The following HHAT variants were observed in gnomAD, a reference collection of about 807,000 sequenced individuals.
HHAT encodes hedgehog acyltransferase.
Under a neutral mutation model 70.8 loss-of-function variants are expected in HHAT, and 47 were observed. The ratio of observed to expected loss-of-function variants is 0.66; its 90% CI spans 0.53 to 0.85. The LOEUF is 0.85. Ranked by LOEUF, HHAT falls within the 40% of genes least tolerant of loss-of-function variation. The pLI, the probability that HHAT is intolerant of heterozygous loss-of-function variation, is 0.00. For synonymous variants in HHAT, 228 were observed against 247.6 expected, an observed-to-expected ratio of 0.92 and a Z score of 0.74; for missense variants, 609 against 604.8, an observed-to-expected ratio of 1.01 and a Z score of -0.07.
chr1:210,471,225 T>C (rs1047625110), intron 8 of HHAT, among the ~76,000 whole-genome samples: 3 of 152,166 alleles, frequency 2.0e-5, no homozygotes, highest in African/African-American at 7.2e-5. Context: ...TGCTTGTTGA[T>C]ACTCCACTGT....
chr1:210,446,572 C>T (rs571404967), intron 7 of HHAT, among the ~76,000 whole-genome samples: 1 of 152,302 alleles, frequency 6.6e-6, no homozygotes, highest in South Asian at 2.1e-4. Context: ...TGGTCCGGCA[C>T]CTGCCACCGT....
intron 7 of HHAT, among the ~76,000 whole-genome samples, chr1:210,451,930 C>T (rs984636674): frequency 1.3e-5 from 2 of 152,096 alleles, no homozygotes; most frequent in Non-Finnish European, 2.9e-5. Flanking sequence ...GCATAATTTT[C>T]TAGTGCTTGT....
chr1:210,643,637 C>CT (rs1673403436), intron 11 of HHAT, among the ~76,000 whole-genome samples: 1 of 151,932 alleles, frequency 6.6e-6, no homozygotes, highest in Admixed American at 6.6e-5. Flanking sequence ...GTCAATGAAT[C>CT]TTTTGCAGAT....
At chr1:210,417,666 C>T (rs962878477) in intron 6 of HHAT, among the ~76,000 whole-genome samples, 7 of 152,228 alleles carry the variant, frequency 4.6e-5, no homozygotes, top group African/African-American at 1.7e-4. Flanking sequence ...GCCCACACAT[C>T]ATTTTCCCTT....
intron 10 of HHAT, among the ~76,000 whole-genome samples, chr1:210,596,093 A>G (rs145684379): frequency 9.3e-4 from 142 of 152,196 alleles, no homozygotes; most frequent in Middle Eastern, 3.4e-3. Flanking sequence ...TAGGGTTTTT[A>G]TGGTTTTAGA....
intron 9 of HHAT, among the ~76,000 whole-genome samples, chr1:210,582,174 C>T (rs1276033844): frequency 2.6e-5 from 4 of 152,114 alleles, no homozygotes; most frequent in Non-Finnish European, 5.9e-5. Flanking sequence ...GGAGCAGTGT[C>T]TTCTAGATGT....
At chr1:210,605,855 T>G (rs1211627115) in intron 10 of HHAT, among the ~76,000 whole-genome samples, 5 of 146,438 alleles carry the variant, frequency 3.4e-5, no homozygotes, top group African/African-American at 1.0e-4. Flanking sequence ...TTCATTTATG[T>G]TTTTTTTTTT....
At chr1:210,430,149 TA>T (rs2093201041) in intron 7 of HHAT, among the ~76,000 whole-genome samples, 1 of 151,954 alleles carries the variant, frequency 6.6e-6, no homozygotes, top group Non-Finnish European at 1.5e-5. Flanking sequence ...TTTTGGATGC[TA>T]AAATTGTCCC....
chr1:210,327,590 C>A (rs951387093), upstream of HHAT, among the ~76,000 whole-genome samples: 7 of 152,124 alleles, frequency 4.6e-5, no homozygotes, highest in Non-Finnish European at 1.0e-4. Flanking sequence ...ACTGCAACCT[C>A]TGCCGCCCGG....
At chr1:210,570,398 G>T (rs955770329) in intron 9 of HHAT, among the ~76,000 whole-genome samples, 1 of 152,182 alleles carries the variant, frequency 6.6e-6, no homozygotes, top group African/African-American at 2.4e-5. Flanking sequence ...CAGAGACCCT[G>T]GTGCAAGCTT....
chr1:210,355,281 G>T (rs1571834436), intron 2 of HHAT, among the ~76,000 whole-genome samples: 1 of 152,034 alleles, frequency 6.6e-6, no homozygotes, highest in Non-Finnish European at 1.5e-5. Context: ...ATTTGTTTTT[G>T]CTTTGCTAGG....
chr1:210,622,583 T>C (rs950636895), intron 10 of HHAT, among the ~76,000 whole-genome samples: 2 of 152,196 alleles, frequency 1.3e-5, no homozygotes, highest in African/African-American at 4.8e-5. Context: ...TGGAATTCTT[T>C]ATTGTGATGC....
intron 11 of HHAT, among the ~76,000 whole-genome samples, chr1:210,667,407 T>TA (rs1408977144): frequency 1.3e-5 from 2 of 151,266 alleles, no homozygotes; most frequent in Non-Finnish European, 1.5e-5. Context: ...AATAAATAAA[T>TA]AATTATTTTT....
chr1:210,652,725 G>A (rs1362946002), intron 11 of HHAT, among the ~76,000 whole-genome samples: 1 of 152,176 alleles, frequency 6.6e-6, no homozygotes, highest in African/African-American at 2.4e-5. Flanking sequence ...GGTACAGAGA[G>A]TTCTCAGAAA....
At chr1:210,392,707 A>G (rs924419084) in intron 4 of HHAT, among the ~76,000 whole-genome samples, 11 of 152,342 alleles carry the variant, frequency 7.2e-5, no homozygotes, top group Admixed American at 3.9e-4. Flanking sequence ...AAGTGCTGGG[A>G]TAACAGGCGT....
intron 9 of HHAT, among the ~76,000 whole-genome samples, chr1:210,514,867 G>T (rs2095027897): frequency 6.6e-6 from 1 of 152,198 alleles, no homozygotes; most frequent in African/African-American, 2.4e-5. Context: ...CCCTTGCCAG[G>T]CCTGTAGTTA....
intron 3 of HHAT, among the ~76,000 whole-genome samples, chr1:210,365,321 T>TTTTG (rs1553326987): frequency 1.5e-5 from 2 of 132,124 alleles, no homozygotes; most frequent in Non-Finnish European, 3.2e-5. Context: ...TTTTTTTTTT[T>TTTTG]TTTTTTTTTT....
intron 1 of HHAT, among the ~76,000 whole-genome samples, chr1:210,343,550 T>C (rs1052404066): frequency 1.1e-4 from 17 of 152,152 alleles, no homozygotes; most frequent in African/African-American, 4.1e-4. Flanking sequence ...GTGGTGGTGG[T>C]GTTTCGAGGT....
chr1:210,623,352 C>T (rs1212415007), intron 10 of HHAT, among the ~76,000 whole-genome samples, 174 bp from the exon 11 acceptor site: 3 of 152,188 alleles, frequency 2.0e-5, no homozygotes, highest in Non-Finnish European at 4.4e-5. Context: ...AGATTATAGG[C>T]ATGAGCTGCC....
Sources: allele counts gnomAD v4.1 joint callset (sites outside exome capture counted in the v4.1 genomes callset), GRCh38; gene constraint gnomAD v4.1.1; transcripts MANE v1.5; gene names NCBI Gene and HGNC (gene_info 2026-07-23, HGNC 2026-07-21).